The following LRRC37A variants were observed in gnomAD, a reference collection of about 807,000 sequenced individuals.
LRRC37A encodes the protein leucine-rich repeat-containing protein 37A.
LRRC37A carries 3 observed loss-of-function variants against 35.4 expected under a neutral mutation model. The ratio of observed to expected loss-of-function variants is 0.08; its 90% CI spans 0.04 to 0.22. The LOEUF (loss-of-function observed/expected upper bound fraction) is 0.22, where lower values mean the gene tolerates loss of function less well. Among genes scored for constraint, LRRC37A ranks in the 10% least tolerant of loss-of-function variants. The pLI, the probability that LRRC37A is intolerant of heterozygous loss-of-function variation, is 1.00. For synonymous variants in LRRC37A, 23 were observed against 215.0 expected, an observed-to-expected ratio of 0.11 and a Z score of 7.81; for missense variants, 67 against 565.3, an observed-to-expected ratio of 0.12 and a Z score of 8.94.
At chr17:46,265,372 C>T in the LRRC37A span, among the ~76,000 whole-genome samples, 5 of 143,636 alleles carry the variant, frequency 3.5e-5, no homozygotes, top group African/African-American at 1.0e-4. Flanking sequence ...TCCTTCTTCT[C>T]CTTCTTCTTT....
At chr17:46,270,113 A>G in the LRRC37A span, among the ~76,000 whole-genome samples, 1 of 152,266 alleles carries the variant, frequency 6.6e-6, no homozygotes, top group Non-Finnish European at 1.5e-5. Flanking sequence ...TAATGCATAG[A>G]TGAAGATGAC....
chr17:46,287,265 C>T, the LRRC37A span, among the ~76,000 whole-genome samples: 2 of 152,242 alleles, frequency 1.3e-5, no homozygotes, highest in African/African-American at 2.4e-5. Context: ...GTAATGTCTT[C>T]CTCTGAATGA....
chr17:46,281,825 G>C, the LRRC37A span, among the ~76,000 whole-genome samples: 2 of 152,024 alleles, frequency 1.3e-5, no homozygotes, highest in Non-Finnish European at 2.9e-5. Flanking sequence ...TGTATTTTTA[G>C]TAGAGATGGG....
chr17:46,278,395 TA>T, the LRRC37A span, among the ~76,000 whole-genome samples: 1 of 143,230 alleles, frequency 7.0e-6, no homozygotes, highest in Admixed American at 6.9e-5. Context: ...TGTTTTGTTT[TA>T]TTTTGTTTTT....
At chr17:46,265,331 T>C in the LRRC37A span, among the ~76,000 whole-genome samples, 2 of 119,072 alleles carry the variant, frequency 1.7e-5, no homozygotes, top group African/African-American at 5.3e-5. Flanking sequence ...CTTCTTTTTT[T>C]CTCCTCTTCT....
At chr17:46,262,734 G>A in the LRRC37A span, among the ~76,000 whole-genome samples, 1 of 150,698 alleles carries the variant, frequency 6.6e-6, no homozygotes, top group African/African-American at 2.4e-5. Flanking sequence ...GCGGTGAGCC[G>A]AGATCAAGCC....
At chr17:46,278,368 T>G in the LRRC37A span, among the ~76,000 whole-genome samples, 2 of 151,180 alleles carry the variant, frequency 1.3e-5, no homozygotes, top group African/African-American at 4.8e-5. Context: ...CCTAGTCTTT[T>G]TTGTTTTGTT....
At chr17:46,268,140 G>C in the LRRC37A span, among the ~76,000 whole-genome samples, 1 of 152,264 alleles carries the variant, frequency 6.6e-6, no homozygotes, top group East Asian at 1.9e-4. Flanking sequence ...GTTCTGTAAT[G>C]TGGGCTGGTT....
In LRRC37A at chr17:46,307,839, C is replaced by A. The variant is rs1217057532; in HGVS notation, c.2906+1530C>A. 2.8e-4 allele frequency among the ~76,000 whole-genome samples: 22 copies of A among 77,386 alleles called. 5 individuals are homozygous for A. The highest frequency in any genetic ancestry group is 6.8e-4 in the Admixed American group (5 of 7,386). The allele number at this position is 77,386 out of a possible 152,430, so 50.8% of individuals were successfully genotyped here. A position where few individuals can be genotyped will look rare whatever the true frequency, so the allele number is the denominator to read the frequency against. On this transcript the variant is annotated intron_variant, in intron 5 of 13. Transcript: ENST00000320254. The stretch of plus-strand genomic sequence containing the variant: ...ACCAGCCTGACCAACATGGTGAAAC[C>A]TGTCTCTACTAAAAATACAAAAATT...
At chr17:46,278,483 C>T in the LRRC37A span, among the ~76,000 whole-genome samples, 8 of 151,798 alleles carry the variant, frequency 5.3e-5, no homozygotes, top group Admixed American at 3.9e-4. Context: ...CAGCTCACTG[C>T]AACCTCCACC....
chr17:46,330,554 T>G (rs2051881918), exon 9 of LRRC37A: 1 of 195,302 alleles, frequency 5.1e-6, no homozygotes, highest in East Asian at 3.9e-5. Flanking sequence ...AGAGGAGCCC[T>G]CAGACAGCAG....
At chr17:46,250,305 C>T in the LRRC37A span, among the ~76,000 whole-genome samples, 1 of 152,236 alleles carries the variant, frequency 6.6e-6, no homozygotes, top group Non-Finnish European at 1.5e-5. Context: ...TACAAGTAGT[C>T]CAGCTTTGGC....
the LRRC37A span, among the ~76,000 whole-genome samples, chr17:46,252,141 CTTT>C: frequency 6.6e-6 from 1 of 152,054 alleles, no homozygotes; most frequent in Non-Finnish European, 1.5e-5. Context: ...ATAAAATTCT[CTTT>C]TTTATTTTCA....
chr17:46,251,258 CTT>C, the LRRC37A span, among the ~76,000 whole-genome samples: 20 of 140,564 alleles, frequency 1.4e-4, no homozygotes, highest in Admixed American at 2.9e-4. Context: ...TGCTTAACAT[CTT>C]TTTTTTTTTT....
At chr17:46,258,501 G>A in the LRRC37A span, among the ~76,000 whole-genome samples, 7,154 of 149,800 alleles carry the variant, frequency 0.048, 908 homozygotes, top group East Asian at 0.43. Context: ...GAGCCACCAC[G>A]CCTGGCCGAA....
the LRRC37A span, among the ~76,000 whole-genome samples, chr17:46,266,886 C>G: frequency 1.3e-5 from 2 of 149,080 alleles, no homozygotes; most frequent in Admixed American, 1.3e-4. Context: ...GAGGAAGCCC[C>G]GAGACGCGCG....
the LRRC37A span, among the ~76,000 whole-genome samples, chr17:46,278,391 GTTTTA>G: frequency 2.8e-5 from 4 of 143,448 alleles, no homozygotes; most frequent in African/African-American, 5.5e-5. Context: ...GTTCTGTTTT[GTTTTA>G]TTTTGTTTTT....
chr17:46,255,012 T>A, the LRRC37A span, among the ~76,000 whole-genome samples: 1 of 151,910 alleles, frequency 6.6e-6, no homozygotes, highest in Non-Finnish European at 1.5e-5. Flanking sequence ...ATTTTTGTAT[T>A]TTTAGTAGAG....
At chr17:46,294,411 C>CACAG (rs1346893449), upstream of LRRC37A, among the ~76,000 whole-genome samples, 5 of 14,630 alleles carry the variant, frequency 3.4e-4, no homozygotes, top group African/African-American at 5.2e-4. Flanking sequence ...CATGTGTGCA[C>CACAG]ACAGGGTAGA....
Sources: allele counts gnomAD v4.1 joint callset (sites outside exome capture counted in the v4.1 genomes callset), GRCh38; gene constraint gnomAD v4.1.1; transcripts MANE v1.5; gene names NCBI Gene and HGNC (gene_info 2026-07-23, HGNC 2026-07-21).